NCKAP5: variants seen among roughly 807,000 people sequenced by gnomAD.
NCKAP5 encodes the protein NCK associated protein 5.
Under a neutral mutation model 167.0 loss-of-function variants are expected in NCKAP5, and 92 were observed. That is an observed-to-expected ratio of 0.55 (90% CI 0.47 to 0.66). The LOEUF is 0.66. Ranked by LOEUF, NCKAP5 falls within the 30% of genes least tolerant of loss-of-function variation. The pLI, the probability that NCKAP5 is intolerant of heterozygous loss-of-function variation, is 0.00. For missense variants in NCKAP5, 2,378 were observed against 2,315.0 expected (o/e 1.03, Z -0.56); for synonymous variants, 891 against 877.4 (o/e 1.02, Z -0.27).
intron 3 of NCKAP5, among the ~76,000 whole-genome samples, chr2:133,325,237 G>C (rs1384756514): frequency 6.6e-6 from 1 of 152,128 alleles, no homozygotes; most frequent in Non-Finnish European, 1.5e-5. Context: ...GAAAGAGCCA[G>C]AGAAATTTGA....
chr2:133,242,119 CAAA>C (rs1176776551), intron 4 of NCKAP5, among the ~76,000 whole-genome samples: 1 of 48,278 alleles, frequency 2.1e-5, no homozygotes, highest in Admixed American at 2.2e-4. Context: ...AACTCTGTCT[CAAA>C]AAAAAAAAAA....
intron 16 of NCKAP5, among the ~76,000 whole-genome samples, chr2:132,746,878 A>C (rs1180115991): frequency 2.6e-5 from 4 of 152,172 alleles, no homozygotes; most frequent in African/African-American, 4.8e-5. Context: ...AATATTATGT[A>C]TTTTATCATT....
chr2:133,109,528 A>C (rs531380354), intron 6 of NCKAP5, among the ~76,000 whole-genome samples: 1 of 152,302 alleles, frequency 6.6e-6, no homozygotes, highest in African/African-American at 2.4e-5. Context: ...AATACTAGGA[A>C]GTATTATATT....
intron 10 of NCKAP5, among the ~76,000 whole-genome samples, chr2:132,863,815 G>A (rs185235629): frequency 1.3e-5 from 2 of 152,306 alleles, no homozygotes; most frequent in Admixed American, 6.5e-5. Flanking sequence ...TGATGCCAGA[G>A]AGTTGCCTTC....
intron 6 of NCKAP5, among the ~76,000 whole-genome samples, chr2:133,061,065 TAAAA>T (rs945874185): frequency 7.8e-6 from 1 of 128,310 alleles, no homozygotes; most frequent in Non-Finnish European, 1.7e-5. Flanking sequence ...CCCAAAATAT[TAAAA>T]AAAAAACAAA....
Position 132,782,650 on chromosome 2 carries a change from G to A in NCKAP5, c.4161C>T (p.Asp1387=), listed in dbSNP as rs1412847141. ...ACTCTCCCTGGGTGAAGGCCTGCTG[G>A]TCTTCCTTTCCAGGTGGGATGAGGA... ...EGLLIPPGKE[D]QQAFTQGECP... is the part of the protein sequence containing the mutation. Residue 1387 remains aspartate (D), a synonymous_variant, in exon 14 of 20, where the codon GAC becomes GAT. Transcript: ENST00000409261. 2 of 1,610,542 alleles carry A rather than the reference G, an allele frequency of 1.2e-6. No homozygotes were observed. The highest frequency in any genetic ancestry group is 1.7e-6 in the Non-Finnish European group (2 of 1,178,352).
intron 12 of NCKAP5, among the ~76,000 whole-genome samples, chr2:132,792,873 T>C (rs980151250): frequency 7.9e-5 from 12 of 152,230 alleles, no homozygotes. Context: ...TGCCCACTCA[T>C]GTCCATGTGT....
In NCKAP5 at chr2:132,849,304, T is replaced by A. The variant is rs564338690; in HGVS notation, c.807+11188A>T. Among the ~76,000 whole-genome samples, 9 of 152,298 alleles carry A rather than the reference T, an allele frequency of 5.9e-5. No individual in the cohort carries two copies. In the East Asian group the frequency reaches 1.4e-3, roughly 23 times the overall value. ...TAGCTTAATCCAGGGCATTTCCAAC[T>A]CCTGCTTATCTCAGACACTATTCTT... On this transcript the variant is annotated intron_variant, in intron 11 of 19. Transcript: ENST00000409261.
intron 8 of NCKAP5, among the ~76,000 whole-genome samples, chr2:132,887,521 T>G (rs959847812): frequency 3.9e-5 from 6 of 152,216 alleles, no homozygotes; most frequent in Non-Finnish European, 7.3e-5. Context: ...CACTCACTTC[T>G]ATGACCTTAT....
intron 3 of NCKAP5, among the ~76,000 whole-genome samples, chr2:133,306,389 G>C (rs976678739): frequency 2.0e-5 from 3 of 152,204 alleles, no homozygotes; most frequent in Non-Finnish European, 4.4e-5. Flanking sequence ...GAGAGGACAT[G>C]ATCCTTAATC....
chr2:132,919,219 G>A (rs1229430900), intron 8 of NCKAP5, among the ~76,000 whole-genome samples: 1 of 152,206 alleles, frequency 6.6e-6, no homozygotes, highest in Non-Finnish European at 1.5e-5. Context: ...CTGGGGGATG[G>A]AGAAGGGAAA....
At chr2:133,212,152 A>G (rs2086235941) in intron 5 of NCKAP5, among the ~76,000 whole-genome samples, 1 of 152,214 alleles carries the variant, frequency 6.6e-6, no homozygotes, top group Non-Finnish European at 1.5e-5. Flanking sequence ...CTGACCTACG[A>G]AAGTTAAGTT....
chr2:133,635,034 T>A, the NCKAP5 span, among the ~76,000 whole-genome samples: 1 of 151,960 alleles, frequency 6.6e-6, no homozygotes, highest in Non-Finnish European at 1.5e-5. Context: ...CCACCACACA[T>A]AACTAATTTT....
chr2:133,030,593 T>G (rs754359229), intron 6 of NCKAP5, among the ~76,000 whole-genome samples: 2 of 152,066 alleles, frequency 1.3e-5, no homozygotes, highest in Non-Finnish European at 2.9e-5. Context: ...TTCTGACTGG[T>G]CATTTGGATG....
chr2:133,267,317 C>T (rs1383910550), intron 4 of NCKAP5: 1 of 152,310 alleles, frequency 6.6e-6, no homozygotes, highest in Non-Finnish European at 1.5e-5. Context: ...TCAGCTCTGT[C>T]TGGGTGGAAC....
At position 133,361,085 on chromosome 2, in the gene NCKAP5, C is replaced by T. The variant is rs571710937; in HGVS notation, c.70-57975G>A. On this transcript the variant is annotated intron_variant, in intron 3 of 19. Transcript: ENST00000409261. ...CTTTAGAGGAAGTCATGGGCTCCTA[C>T]CACAGGGTTAACCAAAGGTTGTGGC... Among the ~76,000 whole-genome samples the T allele has an allele frequency of 2.6e-5, 4 of 151,982 alleles. No individual in the cohort carries two copies. The South Asian group carries it at 8.3e-4, about 32-fold the overall frequency.
At chr2:133,631,033 T>A in the NCKAP5 span, among the ~76,000 whole-genome samples, 1 of 152,212 alleles carries the variant, frequency 6.6e-6, no homozygotes, top group African/African-American at 2.4e-5. Context: ...CAAGAAGGAA[T>A]GGTTAATTAG....
At chr2:133,490,867 T>C (rs1681377211) in intron 3 of NCKAP5, among the ~76,000 whole-genome samples, 1 of 152,260 alleles carries the variant, frequency 6.6e-6, no homozygotes, top group African/African-American at 2.4e-5. Context: ...GCTCTGGCTG[T>C]TTGCTTTGTA....
Position 133,489,703 on chromosome 2 carries a change from G to A in NCKAP5, c.69+27755C>T, listed in dbSNP as rs1472636994. ...GCAATAAAATCACAATACAATACAT[G>A]AGAGTTCTGTTTGTTTGTGTGTTTG... is the stretch of plus-strand genomic sequence containing the variant. On this transcript the variant is annotated intron_variant, in intron 3 of 19. Transcript: ENST00000409261. Among the ~76,000 whole-genome samples the A allele has an allele frequency of 2.6e-5, 4 of 152,268 alleles. No individual in the cohort carries two copies. In the East Asian group the frequency reaches 7.7e-4, roughly 29 times the overall value.
Sources: allele counts gnomAD v4.1 joint callset (sites outside exome capture counted in the v4.1 genomes callset), GRCh38; gene constraint gnomAD v4.1.1; transcripts MANE v1.5; gene names NCBI Gene and HGNC (gene_info 2026-07-23, HGNC 2026-07-21).